The following UBAP1 variants were observed in gnomAD, a reference collection of about 807,000 sequenced individuals.
UBAP1 encodes the protein ubiquitin associated protein 1, also known as ubiquitin-associated protein 1.
UBAP1 carries 5 observed loss-of-function variants against 39.0 expected under a neutral mutation model. The ratio of observed to expected loss-of-function variants is 0.13; its 90% CI spans 0.07 to 0.27. The LOEUF (loss-of-function observed/expected upper bound fraction) is 0.27. Among genes scored for constraint, UBAP1 ranks in the 10% least tolerant of loss-of-function variants. UBAP1 has a pLI of 1.00. For missense variants in UBAP1, 490 were observed against 608.1 expected, an observed-to-expected ratio of 0.81 and a Z score of 2.04; for synonymous variants, 211 against 225.1, an observed-to-expected ratio of 0.94 and a Z score of 0.56.
chr9:34,179,746 C>T (rs1297393936), intron 1 of UBAP1, among the ~76,000 whole-genome samples: 1 of 152,116 alleles, frequency 6.6e-6, no homozygotes, highest in Non-Finnish European at 1.5e-5. Flanking sequence ...GTCTGGTCTT[C>T]TCCAGGTATG....
chr9:34,237,966 A>G (rs1175950269), intron 3 of UBAP1, among the ~76,000 whole-genome samples: 1 of 152,116 alleles, frequency 6.6e-6, no homozygotes, highest in Non-Finnish European at 1.5e-5. Context: ...GAACATTTTC[A>G]TCACCCCAAA....
intron 1 of UBAP1, among the ~76,000 whole-genome samples, chr9:34,190,413 C>T (rs1327322234): frequency 1.3e-5 from 2 of 152,094 alleles, no homozygotes; most frequent in Admixed American, 1.3e-4. Context: ...CCTCAGCCTC[C>T]TGAGTAGCTG....
chr9:34,224,138 A>G, intron 2 of UBAP1: 1 of 728,746 alleles, frequency 1.4e-6, no homozygotes, highest in Non-Finnish European at 2.1e-6. Context: ...GAGACTGCTG[A>G]TTTTGGCCTT....
At chr9:34,213,081 CAG>C (rs1412975374) in intron 1 of UBAP1, among the ~76,000 whole-genome samples, 3 of 152,124 alleles carry the variant, frequency 2.0e-5, no homozygotes, top group African/African-American at 4.8e-5. Context: ...ACCACATAAA[CAG>C]AATTAAAAAC....
chr9:34,223,375 A>T (rs1448303437), intron 2 of UBAP1, among the ~76,000 whole-genome samples: 1 of 151,970 alleles, frequency 6.6e-6, no homozygotes, highest in Non-Finnish European at 1.5e-5. Flanking sequence ...GGTTGCAGTG[A>T]ACTGAGATGG....
intron 1 of UBAP1, among the ~76,000 whole-genome samples, chr9:34,197,072 C>T (rs919423258): frequency 1.3e-5 from 2 of 151,848 alleles, no homozygotes; most frequent in South Asian, 2.1e-4. Flanking sequence ...AGACTACAGG[C>T]GTGTGCCACC....
intron 1 of UBAP1, among the ~76,000 whole-genome samples, chr9:34,188,939 A>G (rs528674017): frequency 6.6e-6 from 1 of 152,272 alleles, no homozygotes; most frequent in Admixed American, 6.5e-5. Context: ...CCTGGCCGAC[A>G]AGAGTGAAAC....
rs1460111601 is a variant in UBAP1, at chr9:34,251,570, TCCC to T, written c.*39_*41del. 6.2e-7 allele frequency: 1 copy of T among 1,605,436 alleles called. No individual in the cohort carries two copies. The highest frequency in any genetic ancestry group is 1.3e-5 in the African/African-American group (1 of 74,478). On this transcript the variant is annotated 3_prime_UTR_variant, in exon 7 of 7. Coordinates refer to ENST00000297661, the MANE Select transcript of UBAP1 (RefSeq NM_016525.5). ...CCTAGGCCCTGCCGCAGAACCACCA[TCCC>T]TGGGAGGCCCTGCAGAGCCCACCTG...
At chr9:34,197,731 G>T (rs967964829) in intron 1 of UBAP1, among the ~76,000 whole-genome samples, 5 of 151,958 alleles carry the variant, frequency 3.3e-5, no homozygotes, top group Admixed American at 6.6e-5. Flanking sequence ...TGTAGTTTTA[G>T]TAGAGATGGG....
intron 3 of UBAP1, among the ~76,000 whole-genome samples, chr9:34,235,679 C>T (rs1032689609): frequency 4.6e-5 from 7 of 151,946 alleles, no homozygotes; most frequent in African/African-American, 1.2e-4. Context: ...CCTAAGTGTA[C>T]AGTGTTTATA....
intron 1 of UBAP1, among the ~76,000 whole-genome samples, chr9:34,215,349 C>T (rs2131563279): frequency 6.6e-6 from 1 of 151,840 alleles, no homozygotes; most frequent in South Asian, 2.1e-4. Context: ...TGATGGAATA[C>T]TGCTCAGCTG....
chr9:34,207,212 A>C (rs1430068989), intron 1 of UBAP1, among the ~76,000 whole-genome samples: 1 of 150,978 alleles, frequency 6.6e-6, no homozygotes, highest in Non-Finnish European at 1.5e-5. Context: ...GCCACAGCTA[A>C]TTTTTGTATT....
intron 1 of UBAP1, among the ~76,000 whole-genome samples, chr9:34,184,771 G>GT (rs1293040439): frequency 6.7e-6 from 1 of 149,574 alleles, no homozygotes; most frequent in Non-Finnish European, 1.5e-5. Flanking sequence ...TACAGATGGT[G>GT]TGCCACCATG....
intron 2 of UBAP1, among the ~76,000 whole-genome samples, chr9:34,222,643 A>AC: frequency 6.6e-6 from 1 of 152,046 alleles, no homozygotes; most frequent in Non-Finnish European, 1.5e-5. Context: ...AAAAAATTTT[A>AC]AAAATTAGCT....
At chr9:34,205,827 ACT>A in intron 1 of UBAP1, among the ~76,000 whole-genome samples, 2 of 152,264 alleles carry the variant, frequency 1.3e-5, no homozygotes, top group African/African-American at 4.8e-5. Context: ...CCCCGTCTCT[ACT>A]AAAAATACAA....
chr9:34,234,190 A>G, intron 2 of UBAP1, 26 bp from the exon 3 acceptor site: 1 of 1,581,382 alleles, frequency 6.3e-7, no homozygotes, highest in Non-Finnish European at 8.6e-7. Context: ...CTTTGCTGAT[A>G]TTTTCTACTT....
chr9:34,231,145 G>C (rs1240360331), intron 2 of UBAP1, among the ~76,000 whole-genome samples: 1 of 147,202 alleles, frequency 6.8e-6, no homozygotes, highest in Non-Finnish European at 1.5e-5. Flanking sequence ...GTGTGTGTGT[G>C]TGTGTGTGTG....
chr9:34,202,915 AT>A (rs1005186510), intron 1 of UBAP1, among the ~76,000 whole-genome samples: 11 of 151,910 alleles, frequency 7.2e-5, no homozygotes, highest in African/African-American at 2.7e-4. Context: ...TGTTTTCTCA[AT>A]TTTTTTATTG....
chr9:34,184,812 C>G (rs1160057764), intron 1 of UBAP1, among the ~76,000 whole-genome samples: 2 of 151,030 alleles, frequency 1.3e-5, no homozygotes, highest in Non-Finnish European at 2.9e-5. Flanking sequence ...TTAGTAGAGA[C>G]AAGGTTTCAC....
Sources: gnomAD v4.1 joint callset for allele counts (sites outside exome capture counted in the v4.1 genomes callset) on GRCh38, gnomAD v4.1.1 for gene constraint, MANE v1.5 for transcripts, NCBI Gene and HGNC (gene_info 2026-07-23, HGNC 2026-07-21) for gene names.